The following P4HB variants were observed in gnomAD, a reference collection of about 807,000 sequenced individuals.
P4HB encodes prolyl 4-hydroxylase subunit beta, also known as protein disulfide-isomerase.
P4HB carries 20 observed loss-of-function variants against 52.6 expected under a neutral mutation model. That is an observed-to-expected ratio of 0.38 (90% CI 0.27 to 0.55). The LOEUF (loss-of-function observed/expected upper bound fraction) is 0.55, where lower values mean the gene tolerates loss of function less well. Ranked by LOEUF, P4HB falls within the 20% of genes least tolerant of loss-of-function variation. The probability of loss-of-function intolerance (pLI) is 0.74; values close to 1 mark genes in which losing one functional copy is unlikely to be tolerated. For synonymous variants in P4HB, 296 were observed against 277.9 expected (o/e 1.07, Z -0.65); for missense variants, 601 against 669.2 (o/e 0.90, Z 1.12).
At chr17:81,858,584 C>G (rs920163829) in intron 2 of P4HB, among the ~76,000 whole-genome samples, 33 of 152,298 alleles carry the variant, frequency 2.2e-4, no homozygotes, top group African/African-American at 7.7e-4. Flanking sequence ...GGCTCGGCCT[C>G]CACTACGGCA....
At position 81,846,093 on chromosome 17, in the gene P4HB, G is replaced by A. The variant is rs2038731442; in HGVS notation, c.1057-102C>T. ...GGGACTGAGGTGCGTGGCTGCCCTG[G>A]GCACACCAGGGTGGCAGCCGCAGAC... On this transcript the variant is annotated intron_variant, in intron 7 of 10. Coordinates refer to ENST00000331483, the MANE Select transcript of P4HB (RefSeq NM_000918.4). This position sits in a 1 kb window ranked among gnomAD's most constrained non-coding sequence, Gnocchi z 5.7. 7.3e-7 allele frequency: 1 copy of A among 1,373,212 alleles called. No individual in the cohort carries two copies. Among genetic ancestry groups the A allele is most frequent in the Non-Finnish European group, 9.6e-7 (1 of 1,036,928 alleles). The allele number at this position is 1,373,212 out of a possible 1,614,324, so 85.1% of individuals were successfully genotyped here.
chr17:81,844,212 G>T, intron 10 of P4HB, 120 bp from the exon 11 acceptor site: 1 of 782,300 alleles, frequency 1.3e-6, no homozygotes, highest in Non-Finnish European at 2.3e-6. Flanking sequence ...CATGGCCACC[G>T]GCCACTGGAG....
rs1216968683 is a variant in P4HB at position 81,843,760 on chromosome 17, C to A, written c.*252G>T. 1.0e-5 allele frequency: 6 copies of A among 589,856 alleles called. No individual in the cohort carries two copies. Among genetic ancestry groups the A allele is most frequent in the Non-Finnish European group, 1.8e-5 (6 of 332,284 alleles). 36.5% of individuals were successfully genotyped at this position (589,856 alleles called of 1,614,324 possible). On this transcript the variant is annotated 3_prime_UTR_variant, in exon 11 of 11. Coordinates refer to ENST00000331483, the MANE Select transcript of P4HB (RefSeq NM_000918.4). ...CAGACTCATGTATGAAAAAGTACAT[C>A]ATGGTTTCAGGAAACAAGCCCCACC...
At chr17:81,858,973 G>A (rs2038956856) in intron 2 of P4HB, 1 of 580,994 alleles carries the variant, frequency 1.7e-6, no homozygotes, top group Admixed American at 3.0e-5. Flanking sequence ...AGACAAGACA[G>A]GTTCTCCATT....
chr17:81,848,604 C>T (rs968908191), intron 4 of P4HB, among the ~76,000 whole-genome samples: 1 of 151,318 alleles, frequency 6.6e-6, no homozygotes, highest in Non-Finnish European at 1.5e-5. Flanking sequence ...GGCGTGGTGG[C>T]GGGCACCTGT....
rs375537708 is a variant in P4HB at position 81,845,109 on chromosome 17, C to T, written c.1446+35G>A. 6.6e-6 allele frequency: 10 copies of T among 1,518,550 alleles called. No homozygotes were observed. In the African/African-American group the frequency reaches 1.1e-4, roughly 17 times the overall value. 94.1% of individuals were successfully genotyped at this position (1,518,550 alleles called of 1,614,324 possible). On this transcript the variant is annotated intron_variant, in intron 10 of 10. Coordinates refer to ENST00000331483, the MANE Select transcript of P4HB (RefSeq NM_000918.4). ...GTCCCGTGGGGCCAAGGGGCTGAAT[C>T]CCAGAGACCAGCCCAGGGCTGTGAC...
intron 4 of P4HB, among the ~76,000 whole-genome samples, chr17:81,852,876 T>C (rs1387228858): frequency 2.0e-5 from 3 of 152,080 alleles, no homozygotes; most frequent in Admixed American, 2.0e-4. Flanking sequence ...GGTTCGCGAG[T>C]TTCGTGGGCT....
At chr17:81,844,418 C>T (rs138577350) in intron 10 of P4HB, among the ~76,000 whole-genome samples, 2,129 of 152,312 alleles carry the variant, frequency 0.014, 48 homozygotes, top group African/African-American at 0.049. Context: ...ATGGAGTCTA[C>T]AGAGGGTCCA....
At chr17:81,847,537 C>G (rs1263442045) in intron 4 of P4HB, 190 bp from the exon 5 acceptor site, 1 of 603,926 alleles carries the variant, frequency 1.7e-6, no homozygotes, top group Non-Finnish European at 3.0e-6. Context: ...CTGGTCACGG[C>G]CTTATGGCTG....
intron 4 of P4HB, among the ~76,000 whole-genome samples, chr17:81,854,263 G>A (rs2038879353): frequency 6.6e-6 from 1 of 152,214 alleles, no homozygotes; most frequent in African/African-American, 2.4e-5. Context: ...ACGTGGCCGG[G>A]CGCGGTGGCT....
At chr17:81,859,463 T>C in intron 1 of P4HB, 76 bp from the exon 2 acceptor site, 1 of 1,281,000 alleles carries the variant, frequency 7.8e-7, no homozygotes. Context: ...GTGCTTCCCT[T>C]TTTCCTCTGG....
In P4HB at chr17:81,847,245, G is replaced by C; in HGVS notation, c.727C>G (p.Gln243Glu). The C allele has an allele frequency of 1.2e-6, 2 of 1,613,926 alleles. No homozygotes were observed. The highest frequency in any genetic ancestry group is 1.1e-5 in the South Asian group (1 of 91,090). Residue 243 changes from glutamine to glutamate, a missense_variant and splice_region_variant, in exon 5 of 11, where the codon CAG (glutamine) becomes GAG (glutamate). By Grantham distance (29) the Gln-to-Glu change is conservative (BLOSUM62 2). Coordinates refer to ENST00000331483, the MANE Select transcript of P4HB (RefSeq NM_000918.4). The stretch of plus-strand genomic sequence containing the variant: ...TGGGGGCTGCAGGGCAGCCGCACCT[G>C]CTCGGTGAACTCGATGACAAGGGGC... ...QLPLVIEFTE[Q>E]TAPKIFGGEI...
In P4HB at chr17:81,855,222, T is replaced by A. The variant is rs1239069610; in HGVS notation, c.544A>T (p.Ile182Leu). Residue 182 changes from isoleucine (I) to leucine (L), a missense_variant, in exon 4 of 11, where the codon ATA (isoleucine) becomes TTA (leucine). Ile to Leu is a conservative substitution (Grantham distance 5, BLOSUM62 2). Transcript: ENST00000331483. This position sits in a 1 kb window ranked among gnomAD's most constrained non-coding sequence, Gnocchi z 4.3. ...CTGTTGGAAGTGATCCCAAATGGTA[T>A]GTCATCGATGGCCTCTGCTGCCTGC... ...FLQAAEAIDD[I>L]PFGITSNSDV... 1.2e-6 allele frequency: 2 copies of A among 1,614,048 alleles called. No individual in the cohort carries two copies. Among genetic ancestry groups the A allele is most frequent in the Admixed American group, 3.3e-5 (2 of 60,014 alleles).
intron 10 of P4HB, among the ~76,000 whole-genome samples, chr17:81,844,916 T>C (rs1049017569): frequency 6.6e-6 from 1 of 152,262 alleles, no homozygotes; most frequent in African/African-American, 2.4e-5. Context: ...AAAGATGCCT[T>C]CAACGTCGTC....
intron 4 of P4HB, among the ~76,000 whole-genome samples, chr17:81,851,824 C>T (rs185604672): frequency 6.6e-6 from 1 of 152,318 alleles, no homozygotes; most frequent in Non-Finnish European, 1.5e-5. Flanking sequence ...GGAAACTGGT[C>T]CACTTAGCAG....
chr17:81,844,126 T>G (rs754611180), intron 10 of P4HB, 34 bp from the exon 11 acceptor site: 1 of 1,479,838 alleles, frequency 6.8e-7, no homozygotes, highest in Admixed American at 1.7e-5. Context: ...GGCGGGCAGG[T>G]TGGCTGCAAC....
At chr17:81,847,376 G>C in intron 4 of P4HB, 29 bp from the exon 5 acceptor site, 1 of 1,576,818 alleles carries the variant, frequency 6.3e-7, no homozygotes, top group South Asian at 1.1e-5. Flanking sequence ...CCCTGACTGA[G>C]CATTGCTGCT....
At chr17:81,856,883 C>CA (rs1280516215) in intron 2 of P4HB, among the ~76,000 whole-genome samples, 16 of 151,712 alleles carry the variant, frequency 1.1e-4, no homozygotes, top group African/African-American at 3.9e-4. Context: ...CTCCTGACCT[C>CA]GTGATCCGCC....
rs2038745852 is a variant in P4HB at position 81,847,022 on chromosome 17, G to T, written c.780C>A (p.Phe260Leu). The T allele has an allele frequency of 6.2e-7, 1 of 1,614,116 alleles. No homozygotes were observed. The highest frequency in any genetic ancestry group is 1.1e-5 in the South Asian group (1 of 91,082). ...GGEIKTHILL[F>L]LPKSVSDYDG... ...CATAGTCAGACACACTCTTGGGCAA[G>T]AACAGCAGGATGTGAGTCTTGATTT... is the stretch of plus-strand genomic sequence containing the variant. Residue 260 changes from phenylalanine to leucine, a missense_variant, in exon 6 of 11, where the codon TTC becomes TTA. Physicochemically the swap from Phe to Leu is conservative, Grantham distance 22. Transcript: ENST00000331483.
Sources: allele counts gnomAD v4.1 joint callset (sites outside exome capture counted in the v4.1 genomes callset), GRCh38; gene constraint gnomAD v4.1.1; non-coding constraint Gnocchi (gnomAD v3.1); transcripts MANE v1.5; gene names NCBI Gene and HGNC (gene_info 2026-07-23, HGNC 2026-07-21).